TRAK1: variants seen among roughly 807,000 people sequenced by gnomAD.
TRAK1 encodes trafficking kinesin-binding protein 1.
TRAK1 carries 33 observed loss-of-function variants against 92.1 expected under a neutral mutation model. The observed-to-expected ratio is 0.36, with a 90% CI of 0.27 to 0.48. The LOEUF (loss-of-function observed/expected upper bound fraction) is 0.48, where lower values mean the gene tolerates loss of function less well. TRAK1 is among the 20% of genes least tolerant of loss of function. TRAK1 has a pLI of 0.99. For synonymous variants in TRAK1, 521 were observed against 517.3 expected (o/e 1.01, Z -0.10); for missense variants, 1,123 against 1,257.9 (o/e 0.89, Z 1.62).
intron 2 of TRAK1, among the ~76,000 whole-genome samples, chr3:42,157,604 C>T (rs1380445133): frequency 1.4e-5 from 2 of 143,952 alleles, no homozygotes; most frequent in African/African-American, 5.0e-5. Context: ...TAAACAGAAT[C>T]TAATCATAAG....
chr3:42,064,972 G>A (rs780215448), intron 1 of TRAK1, among the ~76,000 whole-genome samples: 4 of 150,064 alleles, frequency 2.7e-5, no homozygotes, highest in African/African-American at 4.8e-5. Context: ...AGAATGGCGG[G>A]AGGCTGAGGC....
chr3:42,188,195 G>A lies in TRAK1; in HGVS notation c.581+50G>A, dbSNP rs367838039. 51 of 1,553,386 alleles carry A rather than the reference G, an allele frequency of 3.3e-5. 1 individual carries two copies. The highest frequency in any genetic ancestry group is 1.2e-4 in the South Asian group (11 of 89,934). On this transcript the variant is annotated intron_variant, in intron 5 of 15. Coordinates refer to ENST00000327628, the MANE Select transcript of TRAK1 (RefSeq NM_001042646.3). ...CTGGAGGCCAGAGCACAGGCTGGCCGCTGTTGATGTCCTTGGAGTCACCTA... is the reference window on the plus strand; with the variant it reads ...CTGGAGGCCAGAGCACAGGCTGGCCACTGTTGATGTCCTTGGAGTCACCTA...
At chr3:42,211,596 C>T in intron 14 of TRAK1, 1 of 985,378 alleles carries the variant, frequency 1.0e-6, no homozygotes, top group Non-Finnish European at 1.2e-6. Context: ...TGCTCCCCTA[C>T]AGCCTTACAG....
In TRAK1 at chr3:42,224,130, C is replaced by T. The variant is rs1053910505; in HGVS notation, c.*393C>T. ...CCAGTGAATTCCGTGGCTGGCACAC[C>T]ACGAGCTGTCACGCGGCACGGGTCA... On this transcript the variant is annotated 3_prime_UTR_variant, in exon 16 of 16. Coordinates refer to ENST00000327628, the MANE Select transcript of TRAK1 (RefSeq NM_001042646.3). 1.5e-5 allele frequency: 7 copies of T among 460,862 alleles called. No homozygotes were observed. The highest frequency in any genetic ancestry group is 1.2e-4 in the African/African-American group (6 of 50,258). The allele number at this position is 460,862 out of a possible 1,614,324, so 28.5% of individuals were successfully genotyped here.
rs1008906276 is a variant in TRAK1 at position 42,134,878 on chromosome 3, C to CT, written c.286+9274dup. 7.1e-4 allele frequency among the ~76,000 whole-genome samples: 106 copies of CT among 148,656 alleles called. No individual in the cohort carries two copies. In the East Asian group the frequency reaches 7.5e-3, roughly 11 times the overall value. On this transcript the variant is annotated intron_variant, in intron 2 of 15. Coordinates refer to ENST00000327628, the MANE Select transcript of TRAK1 (RefSeq NM_001042646.3). Reference sequence around the variant, plus strand: ...ACAGGCATGAGCCACTGCACCTGGCCTTTTTTTTTTCTTTAGAGACAGTCT... The same window carrying CT: ...ACAGGCATGAGCCACTGCACCTGGCCTTTTTTTTTTTCTTTAGAGACAGTCT...
chr3:42,038,277 T>C (rs1015366285), intron 1 of TRAK1, among the ~76,000 whole-genome samples: 2 of 152,114 alleles, frequency 1.3e-5, no homozygotes, highest in African/African-American at 4.8e-5. Flanking sequence ...TGGGATAGGG[T>C]CAGGAATACT....
chr3:42,118,565 C>T (rs114636207), intron 1 of TRAK1, among the ~76,000 whole-genome samples: 97 of 152,306 alleles, frequency 6.4e-4, no homozygotes, highest in Non-Finnish European at 1.1e-3. Context: ...TCCTCCTAGC[C>T]GCTCTCTGCA....
At chr3:42,172,783 A>G (rs17287267) in intron 2 of TRAK1, among the ~76,000 whole-genome samples, 23,873 of 152,118 alleles carry the variant, frequency 0.16, 2,128 homozygotes, top group Non-Finnish European at 0.21. Flanking sequence ...GTATTTTACT[A>G]TGGTGGGTAG....
chr3:42,218,323 A>G, intron 14 of TRAK1: 1 of 985,304 alleles, frequency 1.0e-6, no homozygotes, highest in Non-Finnish European at 1.2e-6. Flanking sequence ...ATAAGGAGCT[A>G]GAAGATTCTA....
chr3:42,192,562 AC>A (rs934172645), intron 7 of TRAK1, among the ~76,000 whole-genome samples: 5 of 152,092 alleles, frequency 3.3e-5, no homozygotes, highest in Admixed American at 6.5e-5. Context: ...GATGAAACAC[AC>A]CTCATGTTCA....
At chr3:42,134,411 G>T (rs1376299980) in intron 2 of TRAK1, among the ~76,000 whole-genome samples, 2 of 151,312 alleles carry the variant, frequency 1.3e-5, no homozygotes, top group Admixed American at 6.6e-5. Context: ...CCGAGTAGCT[G>T]GGACTGCAGG....
intron 2 of TRAK1, among the ~76,000 whole-genome samples, chr3:42,167,893 A>G (rs1333081331): frequency 2.0e-5 from 3 of 152,158 alleles, no homozygotes; most frequent in Admixed American, 6.5e-5. Context: ...AAACAACAGC[A>G]ACAACAACAA....
At chr3:42,193,976 A>G in intron 9 of TRAK1, 78 bp downstream of exon 9, 1 of 1,278,202 alleles carries the variant, frequency 7.8e-7, no homozygotes, top group Non-Finnish European at 1.1e-6. Flanking sequence ...AGCTTTAGTC[A>G]CGTCCATCGC....
intron 1 of TRAK1, among the ~76,000 whole-genome samples, chr3:42,018,129 G>C (rs562045869): frequency 6.6e-6 from 1 of 150,714 alleles, no homozygotes; most frequent in East Asian, 2.0e-4. Flanking sequence ...TTAGTCAGGT[G>C]TGGTGATGTG....
chr3:42,075,440 G>A (rs1207490722), intron 1 of TRAK1, among the ~76,000 whole-genome samples: 3 of 151,764 alleles, frequency 2.0e-5, no homozygotes, highest in Admixed American at 6.6e-5. Flanking sequence ...AGAGTGCTGC[G>A]ATGAAGATAC....
In TRAK1 at chr3:42,202,525, G is replaced by A. The variant is rs770532586; in HGVS notation, c.1517G>A (p.Arg506Gln). The stretch of plus-strand genomic sequence containing the variant: ...GCGCTGAGGCGGCTGTCCCTGCGCC[G>A]GGAGAACTACCTCTCGGAGAGGAGG... The part of the protein sequence containing the change: ...ETALRRLSLR[R>Q]ENYLSERRFF... The change falls in exon 13 of 16, where the codon CGG becomes CAG. Residue 506 changes from arginine to glutamine, a missense_variant. Arg to Gln is a conservative substitution (Grantham distance 43). This residue lies in a region of TRAK1 where 686 missense variants were observed against 747.6 expected (regional missense o/e 0.92). Transcript: ENST00000327628. The surrounding 1 kb of genome is among the most constrained non-coding windows in gnomAD (Gnocchi z 6.1). 16 of 1,545,856 alleles carry A rather than the reference G, an allele frequency of 1.0e-5. No individual in the cohort carries two copies. The highest frequency in any genetic ancestry group is 5.5e-5 in the Admixed American group (3 of 54,310).
intron 2 of TRAK1, among the ~76,000 whole-genome samples, chr3:42,175,850 G>C (rs2149359160): frequency 1.3e-5 from 2 of 152,292 alleles, no homozygotes; most frequent in South Asian, 4.1e-4. Flanking sequence ...TGAAGTCTTA[G>C]TTACAAAACA....
At chr3:42,084,254 G>T (rs1172426290), upstream of TRAK1, among the ~76,000 whole-genome samples, 5 of 151,860 alleles carry the variant, frequency 3.3e-5, no homozygotes, top group Non-Finnish European at 7.4e-5. Context: ...TATAGACTCG[G>T]TATCTGCATT....
chr3:42,163,571 G>GA (rs527410797), intron 2 of TRAK1, among the ~76,000 whole-genome samples: 7,965 of 113,918 alleles, frequency 0.07, 242 homozygotes, highest in Middle Eastern at 0.11. Context: ...CCATCTCAAA[G>GA]AAAAAAAAAA....
Sources: allele counts gnomAD v4.1 joint callset (sites outside exome capture counted in the v4.1 genomes callset), GRCh38; gene constraint gnomAD v4.1.1; regional missense constraint gnomAD v4.1.1; non-coding constraint Gnocchi (gnomAD v3.1); transcripts MANE v1.5; gene names NCBI Gene and HGNC (gene_info 2026-07-23, HGNC 2026-07-21).